The following EBF1 variants were observed in gnomAD, a reference collection of about 807,000 sequenced individuals.
EBF1 encodes transcription factor COE1.
In EBF1, 10 loss-of-function variants were observed where a neutral mutation model predicts 68.4. That is an observed-to-expected ratio of 0.15 (90% confidence interval 0.09 to 0.25). EBF1 has a LOEUF of 0.25. Among genes scored for constraint, EBF1 ranks in the 10% least tolerant of loss-of-function variants. The pLI is 1.00. For synonymous variants in EBF1, 298 were observed against 299.8 expected (o/e 0.99, Z 0.06); for missense variants, 509 against 794.4 (o/e 0.64, Z 4.32).
chr5:158,885,951 A>G (rs113468084), intron 6 of EBF1, among the ~76,000 whole-genome samples: 1 of 152,100 alleles, frequency 6.6e-6, no homozygotes. Flanking sequence ...TGCCCTCCCT[A>G]CAACTTCCCC....
At chr5:158,867,345 AT>A (rs1796107146) in intron 6 of EBF1, among the ~76,000 whole-genome samples, 1 of 152,208 alleles carries the variant, frequency 6.6e-6, no homozygotes, top group Admixed American at 6.5e-5. Flanking sequence ...CTTCTAAGCC[AT>A]GATTTCATAT....
chr5:159,095,051 A>G (rs2128004682), intron 4 of EBF1, among the ~76,000 whole-genome samples: 1 of 152,308 alleles, frequency 6.6e-6, no homozygotes, highest in South Asian at 2.1e-4. Context: ...TGGAGGCAAA[A>G]GCAGGAGGGT....
chr5:158,921,091 C>T (rs771128489), intron 6 of EBF1, among the ~76,000 whole-genome samples: 10 of 152,188 alleles, frequency 6.6e-5, no homozygotes, highest in Non-Finnish European at 1.5e-4. Context: ...CAAGCTAATG[C>T]TGCACACGTT....
chr5:158,888,292 T>C (rs1800448787), intron 6 of EBF1, among the ~76,000 whole-genome samples: 1 of 152,028 alleles, frequency 6.6e-6, no homozygotes, highest in African/African-American at 2.4e-5. Context: ...GTGTGTTTGT[T>C]GTGTGTATAT....
At chr5:158,776,642 C>T (rs1775329303) in intron 10 of EBF1, among the ~76,000 whole-genome samples, 1 of 152,154 alleles carries the variant, frequency 6.6e-6, no homozygotes, top group Non-Finnish European at 1.5e-5. Flanking sequence ...AACCGCACTC[C>T]ACCTGTGGTT....
At chr5:158,935,343 C>A (rs774647687) in intron 6 of EBF1, among the ~76,000 whole-genome samples, 3 of 152,176 alleles carry the variant, frequency 2.0e-5, no homozygotes, top group Non-Finnish European at 4.4e-5. Context: ...GGACACATTC[C>A]GGAGACGCAA....
chr5:158,753,073 C>T (rs906435252), intron 10 of EBF1, among the ~76,000 whole-genome samples: 1 of 151,918 alleles, frequency 6.6e-6, no homozygotes, highest in African/African-American at 2.4e-5. Flanking sequence ...AGAAAAGATG[C>T]CTTACAAAAT....
At chr5:159,019,484 G>A (rs905348773) in intron 6 of EBF1, among the ~76,000 whole-genome samples, 1 of 152,152 alleles carries the variant, frequency 6.6e-6, no homozygotes, top group African/African-American at 2.4e-5. Flanking sequence ...AATATAAAAT[G>A]TGTAAAATCC....
At chr5:158,784,463 A>G (rs1777031070) in intron 9 of EBF1, among the ~76,000 whole-genome samples, 1 of 152,154 alleles carries the variant, frequency 6.6e-6, no homozygotes, top group African/African-American at 2.4e-5. Context: ...AACTTTCCTC[A>G]CTGGTGAAAG....
intron 14 of EBF1, 84 bp from the exon 15 acceptor site, chr5:158,708,257 C>T: frequency 1.5e-6 from 2 of 1,377,594 alleles, no homozygotes; most frequent in Non-Finnish European, 2.0e-6. Context: ...CCTCACCCAG[C>T]CACCTTGCTC....
chr5:158,890,915 T>G (rs1165297388), intron 6 of EBF1, among the ~76,000 whole-genome samples: 1 of 152,174 alleles, frequency 6.6e-6, no homozygotes, highest in Admixed American at 6.5e-5. Context: ...TCTACCTTAT[T>G]ATGGAAACTA....
intron 6 of EBF1, among the ~76,000 whole-genome samples, chr5:158,943,981 G>C (rs1814088536): frequency 6.6e-6 from 1 of 152,134 alleles, no homozygotes; most frequent in African/African-American, 2.4e-5. Flanking sequence ...CGCCTTCCTA[G>C]ACTTCCCATC....
chr5:158,996,197 C>G (rs1761385690), intron 6 of EBF1, among the ~76,000 whole-genome samples: 1 of 152,190 alleles, frequency 6.6e-6, no homozygotes, highest in Non-Finnish European at 1.5e-5. Flanking sequence ...GCTGATTTAT[C>G]AGATCTTTTT....
At chr5:158,972,660 C>T (rs937446022) in intron 6 of EBF1, among the ~76,000 whole-genome samples, 1 of 152,132 alleles carries the variant, frequency 6.6e-6, no homozygotes, top group African/African-American at 2.4e-5. Context: ...TGCTTGGAAA[C>T]CTTCTTCTCA....
intron 10 of EBF1, among the ~76,000 whole-genome samples, chr5:158,746,643 C>T (rs1441335494): frequency 6.6e-6 from 1 of 151,542 alleles, no homozygotes; most frequent in Non-Finnish European, 1.5e-5. Context: ...TTAAAACCAA[C>T]AAGGAAAAAA....
chr5:158,876,915 G>A (rs547443713), intron 6 of EBF1, among the ~76,000 whole-genome samples: 5 of 152,148 alleles, frequency 3.3e-5, no homozygotes, highest in African/African-American at 4.8e-5. Context: ...TTTTACATTC[G>A]TGCACTAACC....
intron 6 of EBF1, among the ~76,000 whole-genome samples, chr5:158,988,236 C>A (rs191143168): frequency 3.9e-5 from 6 of 152,146 alleles, no homozygotes; most frequent in African/African-American, 9.7e-5. Context: ...CAGTGCCCCC[C>A]CTTCTCTTCG....
chr5:158,968,630 T>TA (rs1446859046), intron 6 of EBF1, among the ~76,000 whole-genome samples: 3 of 152,070 alleles, frequency 2.0e-5, no homozygotes, highest in Non-Finnish European at 4.4e-5. Flanking sequence ...AACACATACT[T>TA]AAAAAATTGA....
At chr5:158,954,713 A>G (rs1316411026) in intron 6 of EBF1, among the ~76,000 whole-genome samples, 1 of 152,110 alleles carries the variant, frequency 6.6e-6, no homozygotes, top group East Asian at 1.9e-4. Context: ...TGCCAGCCTC[A>G]CTCTGCCCAA....
Sources: gnomAD v4.1 joint callset for allele counts (sites outside exome capture counted in the v4.1 genomes callset) on GRCh38, gnomAD v4.1.1 for gene constraint, MANE v1.5 for transcripts, NCBI Gene and HGNC (gene_info 2026-07-23, HGNC 2026-07-21) for gene names.